WWOX: variants seen among roughly 807,000 people sequenced by gnomAD.
WWOX encodes WW domain containing oxidoreductase, also known as WW domain-containing oxidoreductase.
WWOX carries 69 observed loss-of-function variants against 46.2 expected under a neutral mutation model. That is an observed-to-expected ratio of 1.49 (90% CI 1.23 to 1.82). The LOEUF (loss-of-function observed/expected upper bound fraction) is 1.82. Ranked by LOEUF, WWOX falls within the 40% of genes most tolerant of loss-of-function variation. WWOX has a pLI of 0.00. For missense variants in WWOX, 919 were observed against 542.6 expected (o/e 1.69, Z -6.89); for synonymous variants, 359 against 202.6 (o/e 1.77, Z -6.56).
At chr16:78,703,774 C>A (rs1413771512) in intron 8 of WWOX, among the ~76,000 whole-genome samples, 1 of 152,014 alleles carries the variant, frequency 6.6e-6, no homozygotes, top group African/African-American at 2.4e-5. Flanking sequence ...CTGATTTTGA[C>A]TTCACAGGGA....
intron 8 of WWOX, among the ~76,000 whole-genome samples, chr16:79,189,290 C>G (rs1448430973): frequency 6.6e-6 from 1 of 151,698 alleles, no homozygotes; most frequent in Non-Finnish European, 1.5e-5. Flanking sequence ...CAGGATCTCA[C>G]TTTGTCACCC....
chr16:78,176,374 A>G (rs1019519554), intron 5 of WWOX, among the ~76,000 whole-genome samples: 3 of 152,178 alleles, frequency 2.0e-5, no homozygotes, highest in Non-Finnish European at 2.9e-5. Flanking sequence ...GAGCGTGCAG[A>G]CTCAGGAGCC....
rs79648585 is a variant in WWOX, at chr16:78,970,108, C to T, written c.1057-241500C>T. Among the ~76,000 whole-genome samples, 601 of 152,280 alleles carry T rather than the reference C, an allele frequency of 3.9e-3. 5 individuals are homozygous for T. Among genetic ancestry groups the T allele is most frequent in the African/African-American group, 0.013 (551 of 41,562 alleles). ...AGTGCCCTCATTTAAGTCTGGACCA[C>T]GACAGGAACCCAGATGTGGCCTGAG... On this transcript the variant is annotated intron_variant, in intron 8 of 8. Transcript: ENST00000566780.
chr16:78,265,150 G>A (rs2079336357), intron 5 of WWOX, among the ~76,000 whole-genome samples: 1 of 151,652 alleles, frequency 6.6e-6, no homozygotes, highest in Non-Finnish European at 1.5e-5. Context: ...ACAGGTGCAT[G>A]GCACCATGCC....
rs189615592 is a variant in WWOX, at chr16:78,944,853, C to A, written c.1057-266755C>A. Among the ~76,000 whole-genome samples the A allele has an allele frequency of 1.4e-4, 22 of 152,102 alleles. No individual in the cohort carries two copies. In the East Asian group the frequency reaches 4.1e-3, roughly 28 times the overall value. On this transcript the variant is annotated intron_variant, in intron 8 of 8. Coordinates refer to ENST00000566780, the MANE Select transcript of WWOX (RefSeq NM_016373.4). Reference sequence around the variant, plus strand: ...TGCTTCCCTGGTAATTCACCTGGGTCCAGAACACAGAAGGGAGATTCTAAT... The same window carrying A: ...TGCTTCCCTGGTAATTCACCTGGGTACAGAACACAGAAGGGAGATTCTAAT...
intron 8 of WWOX, among the ~76,000 whole-genome samples, chr16:78,498,729 G>C (rs2084980074): frequency 6.6e-6 from 1 of 152,180 alleles, no homozygotes; most frequent in Non-Finnish European, 1.5e-5. Context: ...ATCTTGCTCT[G>C]TTGCCCAGGC....
intron 8 of WWOX, among the ~76,000 whole-genome samples, chr16:78,860,951 G>A (rs2043871381): frequency 1.3e-5 from 2 of 152,130 alleles, no homozygotes; most frequent in Non-Finnish European, 2.9e-5. Flanking sequence ...GAGTAGCTGG[G>A]ACTACAGGCG....
chr16:78,859,440 G>A (rs2052665277), intron 8 of WWOX, among the ~76,000 whole-genome samples: 2 of 152,038 alleles, frequency 1.3e-5, no homozygotes, highest in African/African-American at 4.8e-5. Flanking sequence ...GTCTACTATT[G>A]CAAAGGAAAA....
chr16:78,838,829 T>A (rs1363502530), intron 8 of WWOX, among the ~76,000 whole-genome samples: 1 of 151,638 alleles, frequency 6.6e-6, no homozygotes, highest in Non-Finnish European at 1.5e-5. Flanking sequence ...GGCAACAGAG[T>A]GGTACTCCAT....
chr16:79,033,008 G>A (rs1000907360), intron 8 of WWOX, among the ~76,000 whole-genome samples: 13 of 151,676 alleles, frequency 8.6e-5, no homozygotes, highest in South Asian at 4.2e-4. Context: ...TTATAAGTGA[G>A]AACATATGGT....
At chr16:78,270,824 C>A (rs1415766495) in intron 5 of WWOX, among the ~76,000 whole-genome samples, 1 of 151,934 alleles carries the variant, frequency 6.6e-6, no homozygotes, top group African/African-American at 2.4e-5. Context: ...TTAAAAAAAA[C>A]AAAAATGAAC....
At chr16:79,085,155 T>G (rs1382238868) in intron 8 of WWOX, among the ~76,000 whole-genome samples, 3 of 152,222 alleles carry the variant, frequency 2.0e-5, no homozygotes, top group East Asian at 3.9e-4. Flanking sequence ...TATACATGTT[T>G]AGGGACAAAA....
intron 8 of WWOX, among the ~76,000 whole-genome samples, chr16:78,683,289 TTGCCTG>T (rs1567488064): frequency 2.5e-5 from 3 of 119,956 alleles, no homozygotes; most frequent in Non-Finnish European, 3.8e-5. Flanking sequence ...GGTGGGTGGA[TTGCCTG>T]AGCTCAGGAG....
rs1443311109 is a variant in WWOX at position 79,170,604 on chromosome 16, A to C, written c.1057-41004A>C. On this transcript the variant is annotated intron_variant, in intron 8 of 8. Coordinates refer to ENST00000566780, the MANE Select transcript of WWOX (RefSeq NM_016373.4). ...TGCTTGATTCTATTGTAGAAAATAAAAATTTTTTACTTAAACCACACAAAT... is the reference window on the plus strand; with the variant it reads ...TGCTTGATTCTATTGTAGAAAATAACAATTTTTTACTTAAACCACACAAAT... Among the ~76,000 whole-genome samples the C allele has an allele frequency of 3.7e-5, 4 of 109,132 alleles. No homozygotes were observed. The East Asian group carries it at 1.9e-3, about 52-fold the overall frequency. The allele number at this position is 109,132 out of a possible 152,430, so 71.6% of individuals were successfully genotyped here.
chr16:78,412,544 G>A (rs1290292407), intron 6 of WWOX, among the ~76,000 whole-genome samples: 1 of 152,164 alleles, frequency 6.6e-6, no homozygotes, highest in African/African-American at 2.4e-5. Context: ...GGGCAAAAGA[G>A]GAAGGGTTGG....
intron 8 of WWOX, among the ~76,000 whole-genome samples, chr16:78,884,605 C>G (rs1035623671): frequency 3.9e-5 from 6 of 152,092 alleles, no homozygotes; most frequent in Non-Finnish European, 2.9e-5. Context: ...GGAATGTATC[C>G]TATGTGATTA....
In WWOX at chr16:78,628,621, AT is replaced by A. The variant is rs139555547; in HGVS notation, c.1056+195881del. Among the ~76,000 whole-genome samples the A allele has an allele frequency of 7.2e-3, 1,082 of 150,450 alleles. 14 individuals are homozygous for A. Among genetic ancestry groups the A allele is most frequent in the African/African-American group, 0.024 (990 of 41,020 alleles). On this transcript the variant is annotated intron_variant, in intron 8 of 8. Coordinates refer to ENST00000566780, the MANE Select transcript of WWOX (RefSeq NM_016373.4). ...GCCTGTTGATGGATTTATTCCAGCA[AT>A]TTTTTTTTTTTAGCTCTCTTTGTCT...
intron 8 of WWOX, among the ~76,000 whole-genome samples, chr16:79,088,211 G>A (rs1463373623): frequency 1.3e-5 from 2 of 152,180 alleles, no homozygotes; most frequent in African/African-American, 2.4e-5. Context: ...AGTCCACGGG[G>A]TGGCCTTCAA....
At chr16:78,958,009 C>T (rs1399195849) in intron 8 of WWOX, among the ~76,000 whole-genome samples, 2 of 152,176 alleles carry the variant, frequency 1.3e-5, no homozygotes, top group Admixed American at 6.5e-5. Context: ...TCTACATTTT[C>T]CCAAGGCCAC....
Sources: allele counts gnomAD v4.1 joint callset (sites outside exome capture counted in the v4.1 genomes callset), GRCh38; gene constraint gnomAD v4.1.1; transcripts MANE v1.5; gene names NCBI Gene and HGNC (gene_info 2026-07-23, HGNC 2026-07-21).